Variants in R3HDM2 observed in about 807,000 individuals in gnomAD.
R3HDM2 encodes R3H domain containing 2, also known as R3H domain-containing protein 2.
Under a neutral mutation model 124.5 loss-of-function variants are expected in R3HDM2, and 38 were observed. That is an observed-to-expected ratio of 0.31 (90% confidence interval 0.24 to 0.40). The LOEUF (loss-of-function observed/expected upper bound fraction) is 0.40. R3HDM2 is among the 10% of genes least tolerant of loss of function. R3HDM2 has a pLI of 1.00. For synonymous variants in R3HDM2, 391 were observed against 448.0 expected (o/e 0.87, Z 1.61); for missense variants, 869 against 1,236.9 (o/e 0.70, Z 4.46).
rs149657505 is a variant in R3HDM2, at chr12:57,397,089, A to T, written c.-105-1271T>A. 6.9e-3 allele frequency among the ~76,000 whole-genome samples: 1,046 copies of T among 152,140 alleles called. 9 individuals carry two copies. The highest frequency in any genetic ancestry group is 0.013 in the Non-Finnish European group (852 of 67,986). On this transcript the variant is annotated intron_variant, in intron 1 of 23. Coordinates refer to ENST00000402412, the MANE Select transcript of R3HDM2 (RefSeq NM_001394031.1). ...GCCTGGGCAGCAAGAGCAAAACTCC[A>T]TCTCAAAGAAAAAAAAAAAATTGTC...
At chr12:57,381,076 A>G (rs2064799127) in intron 2 of R3HDM2, among the ~76,000 whole-genome samples, 1 of 152,110 alleles carries the variant, frequency 6.6e-6, no homozygotes, top group Non-Finnish European at 1.5e-5. Context: ...CTAAAAATGC[A>G]AAACAATAGT....
chr12:57,430,489 G>GGCCCCCCCCCCC, intron 1 of R3HDM2: 7 of 790,562 alleles, frequency 8.9e-6, no homozygotes, highest in Non-Finnish European at 1.1e-5. Flanking sequence ...CCACCCCCCT[G>GGCCCCCCCCCCC]CCCCCGCACC....
At chr12:57,356,677 A>G (rs2137412794) in intron 2 of R3HDM2, among the ~76,000 whole-genome samples, 1 of 152,344 alleles carries the variant, frequency 6.6e-6, no homozygotes, top group African/African-American at 2.4e-5. Flanking sequence ...ATAAGACTTC[A>G]GCAGTAAAGC....
At chr12:57,394,378 G>T (rs2138784251) in intron 2 of R3HDM2, among the ~76,000 whole-genome samples, 1 of 152,170 alleles carries the variant, frequency 6.6e-6, no homozygotes, top group South Asian at 2.1e-4. Flanking sequence ...GGTGGCTGAG[G>T]TGGGCAGATC....
intron 2 of R3HDM2, among the ~76,000 whole-genome samples, chr12:57,311,252 G>C (rs894140640): frequency 6.6e-6 from 1 of 151,948 alleles, no homozygotes; most frequent in African/African-American, 2.4e-5. Context: ...TTGAGATGGA[G>C]TCTCGCTCTG....
intron 2 of R3HDM2, among the ~76,000 whole-genome samples, chr12:57,329,983 G>C (rs1317038900): frequency 6.6e-6 from 1 of 152,030 alleles, no homozygotes; most frequent in African/African-American, 2.4e-5. Context: ...TGTTGTTGTT[G>C]TTTTTATGAG....
intron 2 of R3HDM2, among the ~76,000 whole-genome samples, chr12:57,378,729 G>C (rs570352261): frequency 6.6e-6 from 1 of 152,088 alleles, no homozygotes; most frequent in South Asian, 2.1e-4. Context: ...CTACTTCTGG[G>C]TATATATTCA....
At chr12:57,265,835 C>T (rs1238378354) in intron 19 of R3HDM2, among the ~76,000 whole-genome samples, 5 of 148,424 alleles carry the variant, frequency 3.4e-5, no homozygotes, top group Non-Finnish European at 5.9e-5. Context: ...CTCGCTTTGT[C>T]GCCCAGGCTG....
intron 12 of R3HDM2, 77 bp from the exon 13 acceptor site, chr12:57,284,133 T>A: frequency 1.6e-6 from 2 of 1,281,314 alleles, no homozygotes; most frequent in Non-Finnish European, 2.2e-6. Flanking sequence ...TCATTTCTAT[T>A]CTCTCAATAA....
In R3HDM2 at chr12:57,258,993, G is replaced by A. The variant is rs1272493659; in HGVS notation, c.2198C>T (p.Pro733Leu). 6 of 1,613,436 alleles carry A rather than the reference G, an allele frequency of 3.7e-6. No individual in the cohort carries two copies. Among genetic ancestry groups the A allele is most frequent in the East Asian group, 2.2e-5 (1 of 44,864 alleles). The stretch of plus-strand genomic sequence containing the variant: ...CCACTGGACCATGGATGGGTTCTGA[G>A]GGGGCTGGGGTCCATTAGGGACATT... ...QLNVPNGPQP[P>L]QNPSMVQWSH... is the part of the protein sequence containing the mutation. Residue 733 changes from proline to leucine, a missense_variant, in exon 20 of 24, where the codon CCT becomes CTT. Physicochemically the swap from Pro to Leu is moderately conservative, Grantham distance 98 (BLOSUM62 -3). Around this residue, in one of 2 missense-constraint regions of R3HDM2, gnomAD observed 602 missense variants for 789.2 expected, o/e 0.76. Transcript: ENST00000402412.
intron 1 of R3HDM2, among the ~76,000 whole-genome samples, chr12:57,398,442 T>C (rs1434901678): frequency 6.6e-6 from 1 of 152,038 alleles, no homozygotes; most frequent in African/African-American, 2.4e-5. Context: ...GTTCTTTTCT[T>C]CATTCTAACA....
At chr12:57,324,812 C>T (rs563866361) in intron 2 of R3HDM2, among the ~76,000 whole-genome samples, 9 of 152,168 alleles carry the variant, frequency 5.9e-5, no homozygotes, top group African/African-American at 9.7e-5. Flanking sequence ...ACCCAGTTCC[C>T]GTGTTAAAGT....
chr12:57,423,481 T>C (rs2070404693), intron 1 of R3HDM2, among the ~76,000 whole-genome samples: 1 of 151,020 alleles, frequency 6.6e-6, no homozygotes, highest in Non-Finnish European at 1.5e-5. Flanking sequence ...ATTCTTCCCA[T>C]TGATTTTGAT....
At position 57,310,739 on chromosome 12, in the gene R3HDM2, C is replaced by T. The variant is rs112343311; in HGVS notation, c.-35-276G>A. ...CCATCACCCCAATCAAAACAGTGAG[C>T]GCATTCACCATGCCCCAAAGGTTCC... On this transcript the variant is annotated intron_variant, in intron 2 of 23. Transcript: ENST00000402412. Among the ~76,000 whole-genome samples the T allele has an allele frequency of 2.6e-3, 394 of 152,252 alleles. 1 individual carries two copies. The highest frequency in any genetic ancestry group is 8.2e-3 in the African/African-American group (341 of 41,554).
At chr12:57,334,215 T>G (rs548915403) in intron 2 of R3HDM2, among the ~76,000 whole-genome samples, 1 of 152,260 alleles carries the variant, frequency 6.6e-6, no homozygotes, top group East Asian at 1.9e-4. Context: ...TCAAATCACA[T>G]TAAGAATATG....
chr12:57,316,998 T>C (rs761187425), intron 2 of R3HDM2, among the ~76,000 whole-genome samples: 1 of 151,834 alleles, frequency 6.6e-6, no homozygotes, highest in African/African-American at 2.4e-5. Flanking sequence ...CCACCCACCT[T>C]GGCCTCCCAA....
Position 57,310,440 on chromosome 12 carries a change from G to C in R3HDM2, c.-12C>G. 2.0e-6 allele frequency: 3 copies of C among 1,514,630 alleles called. No individual in the cohort carries two copies. The highest frequency in any genetic ancestry group is 2.6e-6 in the Non-Finnish European group (3 of 1,132,756). 93.8% of individuals were successfully genotyped at this position (1,514,630 alleles called of 1,614,324 possible). A position where few individuals can be genotyped will look rare whatever the true frequency, so the allele number is the denominator to read the frequency against. ...TTACTGTTAGACATGTTCTTCAATA[G>C]AATACAGTGGCCTCTATGGACTCCT... is the stretch of plus-strand genomic sequence containing the variant. On this transcript the variant is annotated 5_prime_UTR_variant, in exon 3 of 24. Transcript: ENST00000402412.
At chr12:57,298,370 T>C (rs2050348233) in intron 6 of R3HDM2, among the ~76,000 whole-genome samples, 1 of 152,070 alleles carries the variant, frequency 6.6e-6, no homozygotes, top group African/African-American at 2.4e-5. Flanking sequence ...GAAGAAAGAA[T>C]CTGGGCCATA....
rs1452061935 is a variant in R3HDM2 at position 57,330,249 on chromosome 12, A to C, written c.-35-19786T>G. 2.0e-5 allele frequency among the ~76,000 whole-genome samples: 3 copies of C among 152,010 alleles called. No homozygotes were observed. In the East Asian group the frequency reaches 5.8e-4, roughly 29 times the overall value. On this transcript the variant is annotated intron_variant, in intron 2 of 23. Transcript: ENST00000402412. ...CCAAAGTGCTGGGATTACAGGTGTGAACCACCGTGCCTGGCCAGATTATTC... is the reference window on the plus strand; with the variant it reads ...CCAAAGTGCTGGGATTACAGGTGTGCACCACCGTGCCTGGCCAGATTATTC...
Sources: allele counts gnomAD v4.1 joint callset (sites outside exome capture counted in the v4.1 genomes callset), GRCh38; gene constraint gnomAD v4.1.1; regional missense constraint gnomAD v4.1.1; transcripts MANE v1.5; gene names NCBI Gene and HGNC (gene_info 2026-07-23, HGNC 2026-07-21).